CDYL: variants seen among roughly 807,000 people sequenced by gnomAD.
CDYL encodes chromodomain Y-like protein.
A neutral mutation model predicts 47.3 loss-of-function variants in CDYL; 8 were observed. The observed-to-expected ratio is 0.17, with a 90% CI of 0.10 to 0.31. The LOEUF is 0.31. Among genes scored for constraint, CDYL ranks in the 10% least tolerant of loss-of-function variants. The pLI, the probability that CDYL is intolerant of heterozygous loss-of-function variation, is 1.00. For missense variants in CDYL, 471 were observed against 701.4 expected (o/e 0.67, Z 3.71); for synonymous variants, 266 against 265.0 (o/e 1.00, Z -0.04).
intron 1 of CDYL, among the ~76,000 whole-genome samples, chr6:4,791,466 T>C (rs1436660460): frequency 2.0e-5 from 3 of 152,162 alleles, no homozygotes; most frequent in South Asian, 2.1e-4. Flanking sequence ...ATAGAGCATA[T>C]TCAAAAAACT....
rs35317751 is a variant in CDYL, at chr6:4,927,428, CGTGTGTGTGTGTGT to C, written c.692-8068_692-8055del. The stretch of plus-strand genomic sequence containing the variant: ...CATTCCATCATTCGAATTTACTGTA[CGTGTGTGTGTGTGT>C]GTGTGTGTGTGTGTGTGTCTTTTGA... On this transcript the variant is annotated intron_variant, in intron 2 of 6. Coordinates refer to ENST00000397588, the MANE Select transcript of CDYL (RefSeq NM_004824.4). Among the ~76,000 whole-genome samples, 83 of 142,562 alleles carry C rather than the reference CGTGTGTGTGTGTGT, an allele frequency of 5.8e-4. 1 individual carries two copies. The highest frequency in any genetic ancestry group is 3.5e-3 in the Middle Eastern group (1 of 286). 93.5% of individuals were successfully genotyped at this position (142,562 alleles called of 152,430 possible).
In CDYL at chr6:4,931,595, C is replaced by T. The variant is rs1045350795; in HGVS notation, c.692-3920C>T. ...GGGGGCATATGTGATGATCAGGGTC[C>T]TAGTCAGTGCTGGCAGCCTGTGACT... On this transcript the variant is annotated intron_variant, in intron 2 of 6. Transcript: ENST00000397588. Among the ~76,000 whole-genome samples, 4 of 152,142 alleles carry T rather than the reference C, an allele frequency of 2.6e-5. No individual in the cohort carries two copies. In the South Asian group the frequency reaches 8.3e-4, roughly 32 times the overall value.
In CDYL at chr6:4,935,577, A is replaced by G. The variant is rs1298110513; in HGVS notation, c.754A>G (p.Thr252Ala). 6.2e-7 allele frequency: 1 copy of G among 1,614,250 alleles called. No homozygotes were observed. The highest frequency in any genetic ancestry group is 2.2e-5 in the East Asian group (1 of 44,876). The change falls in exon 3 of 7, where the codon ACA (threonine) becomes GCA (alanine). Residue 252 changes from threonine to alanine, a missense_variant. Transcript: ENST00000397588. ...NGTTNIQTSV[T>A]GVTASKRKFI... is the part of the protein sequence containing the mutation. ...GACAACCAACATACAGACATCTGTT[A>G]CAGGAGTGACTGCCAGCAAAAGGAA...
chr6:4,854,748 C>T (rs1256873055), intron 1 of CDYL, among the ~76,000 whole-genome samples: 5 of 152,214 alleles, frequency 3.3e-5, no homozygotes, highest in Non-Finnish European at 7.3e-5. Context: ...TTCCAGGAGT[C>T]AGCCCCCAGG....
At chr6:4,835,489 G>A (rs915777318) in intron 1 of CDYL, among the ~76,000 whole-genome samples, 1 of 152,224 alleles carries the variant, frequency 6.6e-6, no homozygotes, top group African/African-American at 2.4e-5. Context: ...CTACTGGGGA[G>A]TGCCTCCCAG....
intron 1 of CDYL, among the ~76,000 whole-genome samples, chr6:4,795,926 T>C (rs1427704692): frequency 2.0e-5 from 3 of 152,204 alleles, no homozygotes; most frequent in African/African-American, 7.2e-5. Flanking sequence ...TTTTTTCACT[T>C]TCAGATTTTT....
rs1351297509 is a variant in CDYL, at chr6:4,932,587, C to A, written c.692-2928C>A. 2.0e-5 allele frequency among the ~76,000 whole-genome samples: 3 copies of A among 152,312 alleles called. No homozygotes were observed. In the East Asian group the frequency reaches 5.8e-4, roughly 29 times the overall value. On this transcript the variant is annotated intron_variant, in intron 2 of 6. Coordinates refer to ENST00000397588, the MANE Select transcript of CDYL (RefSeq NM_004824.4). ...TTGGATATAGCAGCAATTGAAAAAT[C>A]CAGCTCAGGTTGAGGAACTCTTAAA... is the stretch of plus-strand genomic sequence containing the variant.
At chr6:4,712,673 C>T (rs1358582360) in intron 1 of CDYL, among the ~76,000 whole-genome samples, 1 of 152,176 alleles carries the variant, frequency 6.6e-6, no homozygotes, top group Non-Finnish European at 1.5e-5. Context: ...TCTGCTAGTC[C>T]CCAAGAGGAG....
At chr6:4,931,303 G>C (rs1378565465) in intron 2 of CDYL, among the ~76,000 whole-genome samples, 2 of 152,204 alleles carry the variant, frequency 1.3e-5, no homozygotes, top group Non-Finnish European at 2.9e-5. Context: ...ACTTTCATGG[G>C]TGCTTTGAAG....
chr6:4,851,691 A>G (rs183903088), intron 1 of CDYL, among the ~76,000 whole-genome samples: 1 of 152,378 alleles, frequency 6.6e-6, no homozygotes, highest in African/African-American at 2.4e-5. Flanking sequence ...GCACCTTGGT[A>G]AAAAGTCTTA....
chr6:4,864,853 A>T (rs1444961852), intron 1 of CDYL, among the ~76,000 whole-genome samples: 1 of 152,086 alleles, frequency 6.6e-6, no homozygotes, highest in Non-Finnish European at 1.5e-5. Context: ...CGTGAAAATG[A>T]ACTAATATAC....
chr6:4,752,438 C>A (rs1758010301), intron 3 of CDYL, among the ~76,000 whole-genome samples: 1 of 152,146 alleles, frequency 6.6e-6, no homozygotes, highest in Non-Finnish European at 1.5e-5. Context: ...CTTTAACAGG[C>A]TTTCATCATA....
At chr6:4,832,355 T>A (rs1478433347) in intron 1 of CDYL, among the ~76,000 whole-genome samples, 4 of 151,730 alleles carry the variant, frequency 2.6e-5, no homozygotes, top group Non-Finnish European at 5.9e-5. Flanking sequence ...TGTCTTTGGC[T>A]CTGTTTATAT....
In CDYL at chr6:4,935,533, A is replaced by T. The variant is rs1758164701; in HGVS notation, c.710A>T (p.Asp237Val). 1 of 1,614,116 alleles carries T rather than the reference A, an allele frequency of 6.2e-7. No individual in the cohort carries two copies. The change falls in exon 3 of 7, where the codon GAT (aspartate) becomes GTT (valine). Residue 237 changes from aspartate to valine, a missense_variant. By Grantham distance (152) the Asp-to-Val change is radical. Coordinates refer to ENST00000397588, the MANE Select transcript of CDYL (RefSeq NM_004824.4). ...TCGGCAGGTACATCTCCGTTCATGG[A>T]TGCATTAACAGCCAATGGGACAACC... ...VNGKGTSPFM[D>V]ALTANGTTNI...
chr6:4,770,631 T>C (rs146207428), intron 3 of CDYL, among the ~76,000 whole-genome samples: 2 of 152,330 alleles, frequency 1.3e-5, no homozygotes, highest in East Asian at 3.9e-4. Flanking sequence ...TCTTCTACAT[T>C]GTGTGGAAAG....
chr6:4,716,251 A>T (rs1757259016), intron 2 of CDYL, among the ~76,000 whole-genome samples: 1 of 151,264 alleles, frequency 6.6e-6, no homozygotes, highest in South Asian at 2.1e-4. Context: ...CATCTCAAAA[A>T]AAAAAAAAAA....
At chr6:4,793,435 C>T (rs1758984185) in intron 1 of CDYL, among the ~76,000 whole-genome samples, 1 of 151,992 alleles carries the variant, frequency 6.6e-6, no homozygotes, top group Non-Finnish European at 1.5e-5. Flanking sequence ...TGGAGTGAGG[C>T]CGGCAGGAGG....
intron 1 of CDYL, among the ~76,000 whole-genome samples, chr6:4,780,195 G>A (rs1196773400): frequency 6.6e-6 from 1 of 151,582 alleles, no homozygotes; most frequent in Non-Finnish European, 1.5e-5. Context: ...GATCTGGGTG[G>A]TAATCCTCCC....
chr6:4,900,840 T>G, intron 2 of CDYL, among the ~76,000 whole-genome samples: 1 of 127,138 alleles, frequency 7.9e-6, no homozygotes, highest in South Asian at 2.6e-4. Context: ...TCTTGCCTGT[T>G]TTTCTTTTGG....
Sources: gnomAD v4.1 joint callset for allele counts (sites outside exome capture counted in the v4.1 genomes callset) on GRCh38, gnomAD v4.1.1 for gene constraint, MANE v1.5 for transcripts, NCBI Gene and HGNC (gene_info 2026-07-23, HGNC 2026-07-21) for gene names.